Variants in PSG7 observed in about 807,000 individuals in gnomAD.
PSG7 encodes pregnancy-specific beta-1-glycoprotein 7.
A neutral mutation model predicts 45.6 loss-of-function variants in PSG7; 57 were observed. The ratio of observed to expected loss-of-function variants is 1.25; its 90% CI spans 1.01 to 1.56. The LOEUF is 1.56. PSG7 is among the 40% of genes most tolerant of loss of function. The pLI is 0.00. For missense variants in PSG7, 796 were observed against 508.4 expected, an observed-to-expected ratio of 1.57 and a Z score of -5.44; for synonymous variants, 298 against 194.4, an observed-to-expected ratio of 1.53 and a Z score of -4.43.
intron 2 of PSG7, among the ~76,000 whole-genome samples, chr19:42,933,410 C>A (rs1213798081): frequency 6.9e-6 from 1 of 143,934 alleles, no homozygotes; most frequent in African/African-American, 2.6e-5. Flanking sequence ...GTCCCATGGT[C>A]TTGTCCACAG....
chr19:42,924,423 G>C lies in PSG7; in HGVS notation c.*385C>G. 1 of 479,976 alleles carries C rather than the reference G, an allele frequency of 2.1e-6. No homozygotes were observed. Among genetic ancestry groups the C allele is most frequent in the Non-Finnish European group, 3.6e-6 (1 of 275,892 alleles). The allele number at this position is 479,976 out of a possible 1,614,324, so 29.7% of individuals were successfully genotyped here. On this transcript the variant is annotated 3_prime_UTR_variant, in exon 6 of 6. Coordinates refer to ENST00000406070, the MANE Select transcript of PSG7 (RefSeq NM_002783.3). ...GTTGAGATGACATATCTGACACTCT[G>C]TTGTTACCCTCAGAAGCTCCTATAC...
At position 42,926,773 on chromosome 19, in the gene PSG7, G is replaced by A. The variant is rs531037560; in HGVS notation, c.710-57C>T. ...TGTGGCACCTTTGATTCCTCCACAG[G>A]CATCCTTCAATTAGAGTTGGCATCT... On this transcript the variant is annotated intron_variant, in intron 3 of 5. Coordinates refer to ENST00000406070, the MANE Select transcript of PSG7 (RefSeq NM_002783.3). 1.2e-5 allele frequency: 19 copies of A among 1,593,396 alleles called. 2 individuals carry two copies. In the African/African-American group the frequency reaches 1.2e-4, roughly 10 times the overall value.
chr19:42,926,764 C>T (rs1972903058), intron 3 of PSG7, 48 bp from the exon 4 acceptor site: 2 of 1,597,806 alleles, frequency 1.3e-6, no homozygotes, highest in Non-Finnish European at 8.5e-7. Flanking sequence ...ACCTTTGATT[C>T]CTCCACAGGC....
chr19:42,931,912 C>G (rs1224012356), intron 2 of PSG7, among the ~76,000 whole-genome samples: 1 of 151,546 alleles, frequency 6.6e-6, no homozygotes, highest in African/African-American at 2.4e-5. Flanking sequence ...TCTTTTTGAA[C>G]TTTCCTGTTT....
At chr19:42,927,080 T>C (rs1972911806) in intron 3 of PSG7, 2 of 310,918 alleles carry the variant, frequency 6.4e-6, no homozygotes, top group South Asian at 1.2e-4. Context: ...GCTGGGCCCT[T>C]TCCAAATTGC....
At chr19:42,934,654 C>A (rs1039648433) in intron 2 of PSG7, among the ~76,000 whole-genome samples, 1 of 151,702 alleles carries the variant, frequency 6.6e-6, no homozygotes, top group African/African-American at 2.4e-5. Flanking sequence ...GAGAAAGCAC[C>A]TTTACGTCAG....
In PSG7 at chr19:42,931,643, G is replaced by A. The variant is rs549043646; in HGVS notation, c.431-1923C>T. ...GCTAAGTGAGATGGCAATGGCTCGT[G>A]TGTCTCCCCACACGAAGAACTCCAA... On this transcript the variant is annotated intron_variant, in intron 2 of 5. Coordinates refer to ENST00000406070, the MANE Select transcript of PSG7 (RefSeq NM_002783.3). Among the ~76,000 whole-genome samples the A allele has an allele frequency of 7.6e-4, 115 of 151,434 alleles. 2 individuals carry two copies. The highest frequency in any genetic ancestry group is 2.7e-3 in the African/African-American group (112 of 41,228).
chr19:42,933,961 G>T (rs73553548), intron 2 of PSG7, among the ~76,000 whole-genome samples: 3,681 of 151,382 alleles, frequency 0.024, 203 homozygotes, highest in African/African-American at 0.084. Context: ...GAAACTCCTG[G>T]GATTCTGCAT....
intron 2 of PSG7, among the ~76,000 whole-genome samples, chr19:42,930,621 C>A (rs933658857): frequency 6.6e-6 from 1 of 151,678 alleles, no homozygotes; most frequent in African/African-American, 2.4e-5. Context: ...GGATATTAGA[C>A]CAATATTTGG....
chr19:42,934,769 G>T (rs550370909), intron 2 of PSG7, among the ~76,000 whole-genome samples: 4 of 151,558 alleles, frequency 2.6e-5, no homozygotes, highest in South Asian at 2.1e-4. Context: ...AAGGCAGTTG[G>T]CTGATGGCCT....
chr19:42,935,650 G>A lies in PSG7; in HGVS notation c.184C>T (p.Leu62Phe), dbSNP rs782343198. The change falls in exon 2 of 6, where the codon CTT becomes TTT. Residue 62 changes from leucine to phenylalanine, a missense_variant. Transcript: ENST00000406070. ...CCTTTGTACCAGATGTAGCCAGTAA[G>A]ATTCTGGGGCAAATTGTGGACAAGT... ...LLLVHNLPQN[L>F]TGYIWYKGQI... 1.2e-6 allele frequency: 2 copies of A among 1,612,190 alleles called. No homozygotes were observed. Among genetic ancestry groups the A allele is most frequent in the Non-Finnish European group, 1.7e-6 (2 of 1,179,148 alleles).
chr19:42,936,653 CT>C (rs1297017531), intron 1 of PSG7, among the ~76,000 whole-genome samples: 1 of 150,868 alleles, frequency 6.6e-6, no homozygotes, highest in African/African-American at 2.4e-5. Context: ...TTCTTTTTTC[CT>C]TTTTTTCTTT....
Position 42,936,797 on chromosome 19 carries a change from A to T in PSG7, c.64+216T>A, listed in dbSNP as rs1354644981. On this transcript the variant is annotated intron_variant, in intron 1 of 5. Coordinates refer to ENST00000406070, the MANE Select transcript of PSG7 (RefSeq NM_002783.3). ...TGAGTAGCTAGGATTACAGGAGCACACCACCATACCTGGTTAATTTTTTGT... is the reference window on the plus strand; with the variant it reads ...TGAGTAGCTAGGATTACAGGAGCACTCCACCATACCTGGTTAATTTTTTGT... Among the ~76,000 whole-genome samples, 4 of 151,352 alleles carry T rather than the reference A, an allele frequency of 2.6e-5. 1 individual carries two copies. Among genetic ancestry groups the T allele is most frequent in the Admixed American group, 6.6e-5 (1 of 15,138 alleles).
At position 42,935,766 on chromosome 19, in the gene PSG7, G is replaced by T; in HGVS notation, c.68C>A (p.Ser23Ter). ...GGGCGGGTTCCAGAAGTTTAAAAGTGATGCTAGGAGGTGGAGAGAGCATCA... is the reference window on the plus strand; with the variant it reads ...GGGCGGGTTCCAGAAGTTTAAAAGTTATGCTAGGAGGTGGAGAGAGCATCA... ...ITWKGLLLTA[S>*]LLNFWNPPTT... Residue 23 changes from serine (S) to a stop codon, truncating the protein, a stop_gained, in exon 2 of 6, where the codon TCA becomes TAA. Coordinates refer to ENST00000406070, the MANE Select transcript of PSG7 (RefSeq NM_002783.3). LOFTEE classifies it high-confidence loss of function. 1 of 1,608,740 alleles carries T rather than the reference G, an allele frequency of 6.2e-7. No individual in the cohort carries two copies. Among genetic ancestry groups the T allele is most frequent in the Non-Finnish European group, 8.5e-7 (1 of 1,177,568 alleles).
rs199910890 is a variant in PSG7 at position 42,929,726 on chromosome 19, C to T, written c.431-6G>A. On this transcript the variant is annotated splice_polypyrimidine_tract_variant and splice_region_variant and intron_variant, in intron 2 of 5. Coordinates refer to ENST00000406070, the MANE Select transcript of PSG7 (RefSeq NM_002783.3). ...GGAGGGTTTGGGAGTCTCCACTGTG[C>T]GGAAAACAGAGAGAAGATTGCCCTG... The T allele has an allele frequency of 1.1e-4, 178 of 1,609,862 alleles. 4 individuals are homozygous for T. In the Middle Eastern group the frequency reaches 1.3e-3, roughly 12 times the overall value.
intron 2 of PSG7, among the ~76,000 whole-genome samples, chr19:42,934,878 A>T (rs1026692630): frequency 3.3e-5 from 5 of 151,678 alleles, no homozygotes; most frequent in Non-Finnish European, 7.4e-5. Flanking sequence ...CTGGCTGGTG[A>T]ACAGCTGCAG....
intron 4 of PSG7, 71 bp from the exon 5 acceptor site, chr19:42,926,098 G>A: frequency 1.3e-6 from 2 of 1,574,330 alleles, no homozygotes; most frequent in Non-Finnish European, 1.7e-6. Context: ...CTCTTAAAGG[G>A]ACAGAGTGAC....
At chr19:42,934,206 C>T (rs1181351717) in intron 2 of PSG7, among the ~76,000 whole-genome samples, 1 of 151,234 alleles carries the variant, frequency 6.6e-6, no homozygotes, top group Non-Finnish European at 1.5e-5. Flanking sequence ...GAGGGGGAGA[C>T]CTGGACATTT....
chr19:42,935,825 G>T (rs1156780421), intron 1 of PSG7, 56 bp from the exon 2 acceptor site: 7 of 1,550,018 alleles, frequency 4.5e-6, no homozygotes, highest in Non-Finnish European at 6.1e-6. Context: ...GGGTTGAAAA[G>T]ATGGGCCCCT....
Sources: gnomAD v4.1 joint callset for allele counts (sites outside exome capture counted in the v4.1 genomes callset) on GRCh38, gnomAD v4.1.1 for gene constraint, MANE v1.5 for transcripts, NCBI Gene and HGNC (gene_info 2026-07-23, HGNC 2026-07-21) for gene names.